TESK2: variants seen among roughly 807,000 people sequenced by gnomAD.
TESK2 encodes the protein dual specificity testis-specific protein kinase 2.
TESK2 carries 39 observed loss-of-function variants against 57.1 expected under a neutral mutation model. That is an observed-to-expected ratio of 0.68 (90% confidence interval 0.53 to 0.89). The LOEUF (loss-of-function observed/expected upper bound fraction) is 0.89. Ranked by LOEUF, TESK2 falls within the 40% of genes least tolerant of loss-of-function variation. The probability of loss-of-function intolerance (pLI) is 0.00; values close to 1 mark genes in which losing one functional copy is unlikely to be tolerated. For synonymous variants in TESK2, 249 were observed against 267.9 expected (o/e 0.93, Z 0.69); for missense variants, 646 against 732.1 (o/e 0.88, Z 1.36).
intron 5 of TESK2, among the ~76,000 whole-genome samples, chr1:45,354,407 C>T (rs925097050): frequency 6.6e-6 from 1 of 151,836 alleles, no homozygotes; most frequent in African/African-American, 2.4e-5. Flanking sequence ...ACGTGGATCA[C>T]CTGAGGTCAG....
chr1:45,387,867 C>T (rs12037411), intron 3 of TESK2, among the ~76,000 whole-genome samples: 39,409 of 152,006 alleles, frequency 0.26, 5,241 homozygotes, highest in East Asian at 0.36. Context: ...GTTAGCTGGG[C>T]ATGGTAGCAG....
In TESK2 at chr1:45,345,374, G is replaced by A; in HGVS notation, c.1182C>T (p.Ala394=). The change falls in exon 11 of 11, where the codon GCC becomes GCT. Residue 394 remains alanine, a synonymous_variant. Transcript: ENST00000372086. ...DPYYRPRDGA[A]RTPKVNPFSA... is the part of the protein sequence containing the mutation. ...TAAAAGGGTTGACTTTGGGGGTGCG[G>A]GCAGCACCATCTCGTGGCCGGTAGT... The A allele has an allele frequency of 6.2e-7, 1 of 1,614,140 alleles. No individual in the cohort carries two copies. The highest frequency in any genetic ancestry group is 8.5e-7 in the Non-Finnish European group (1 of 1,180,032).
At chr1:45,365,491 T>C (rs545568300) in intron 4 of TESK2, among the ~76,000 whole-genome samples, 1 of 152,228 alleles carries the variant, frequency 6.6e-6, no homozygotes, top group South Asian at 2.1e-4. Flanking sequence ...TTATTCATCC[T>C]CCTTGTTTAT....
At chr1:45,460,647 G>A (rs1211389087) in intron 1 of TESK2, among the ~76,000 whole-genome samples, 1 of 152,078 alleles carries the variant, frequency 6.6e-6, no homozygotes, top group Admixed American at 6.6e-5. Flanking sequence ...TCAAACTCCT[G>A]GGTTCAGGCA....
intron 2 of TESK2, among the ~76,000 whole-genome samples, chr1:45,424,940 C>T (rs1478205729): frequency 6.6e-6 from 1 of 152,098 alleles, no homozygotes; most frequent in Non-Finnish European, 1.5e-5. Flanking sequence ...ATGACAGACC[C>T]AAAGCTAGTA....
chr1:45,346,025 G>A (rs750512795), intron 9 of TESK2, 31 bp from the exon 10 acceptor site: 1 of 1,511,240 alleles, frequency 6.6e-7, no homozygotes, highest in Non-Finnish European at 9.2e-7. Context: ...CATGAGCTCT[G>A]CCCTCCATCT....
At chr1:45,483,691 G>A (rs1446109417) in intron 1 of TESK2, among the ~76,000 whole-genome samples, 3 of 151,900 alleles carry the variant, frequency 2.0e-5, no homozygotes, top group Non-Finnish European at 4.4e-5. Context: ...GGGCGGCGGA[G>A]GGGGGGTCAA....
Position 45,344,410 on chromosome 1 carries a change from G to C in TESK2, c.*430C>G, listed in dbSNP as rs1455115006. The C allele has an allele frequency of 1.7e-5, 3 of 174,152 alleles. No homozygotes were observed. Among genetic ancestry groups the C allele is most frequent in the Non-Finnish European group, 2.5e-5 (2 of 81,434 alleles). 10.8% of individuals were successfully genotyped at this position (174,152 alleles called of 1,614,324 possible). A position where few individuals can be genotyped will look rare whatever the true frequency, so the allele number is the denominator to read the frequency against. On this transcript the variant is annotated 3_prime_UTR_variant, in exon 11 of 11. Transcript: ENST00000372086. ...CCCCAATATTCAGGTCTGGGAAACA[G>C]CCATGACCATTACGGCCTCTTGATC...
chr1:45,408,506 C>T (rs987991690), intron 3 of TESK2, among the ~76,000 whole-genome samples: 2 of 151,958 alleles, frequency 1.3e-5, no homozygotes, highest in South Asian at 2.1e-4. Flanking sequence ...TAGCCAGGCC[C>T]GGCACAATGG....
intron 2 of TESK2, among the ~76,000 whole-genome samples, chr1:45,446,815 A>G (rs985325237): frequency 7.9e-5 from 12 of 152,208 alleles, no homozygotes; most frequent in Non-Finnish European, 1.3e-4. Flanking sequence ...TGCCTCCATA[A>G]TCCATTTTTT....
rs1490886221 is a variant in TESK2 at position 45,457,786 on chromosome 1, AG to A, written c.-2del. 7 of 1,612,120 alleles carry A rather than the reference AG, an allele frequency of 4.3e-6. No individual in the cohort carries two copies. Among genetic ancestry groups the A allele is most frequent in the Non-Finnish European group, 5.9e-6 (7 of 1,178,420 alleles). ...TTGAATTCCGTTTGCTCCGATCCAT[AG>A]TCTAAATAATCACTTTTTTCTTCTT... On this transcript the variant is annotated 5_prime_UTR_variant, in exon 2 of 11. Coordinates refer to ENST00000372086, the MANE Select transcript of TESK2 (RefSeq NM_007170.3).
chr1:45,456,826 G>A (rs574858838), intron 2 of TESK2, among the ~76,000 whole-genome samples: 1 of 152,206 alleles, frequency 6.6e-6, no homozygotes, highest in Non-Finnish European at 1.5e-5. Flanking sequence ...ATGGAAGTCT[G>A]CAGAAGTTCT....
intron 2 of TESK2, among the ~76,000 whole-genome samples, chr1:45,423,450 G>A (rs958908404): frequency 2.6e-5 from 4 of 151,902 alleles, no homozygotes; most frequent in African/African-American, 7.3e-5. Flanking sequence ...CCAGCTACTC[G>A]GGAGGCTGAG....
intron 3 of TESK2, among the ~76,000 whole-genome samples, chr1:45,401,578 A>G (rs1458716596): frequency 1.3e-5 from 2 of 152,078 alleles, no homozygotes; most frequent in African/African-American, 4.8e-5. Flanking sequence ...TATACCTGGA[A>G]ACTGTGCTAA....
At chr1:45,433,084 T>C (rs1397483541) in intron 2 of TESK2, among the ~76,000 whole-genome samples, 1 of 132,938 alleles carries the variant, frequency 7.5e-6, no homozygotes, top group Non-Finnish European at 1.6e-5. Context: ...TTTTTTTTTT[T>C]TTTTTTTTTG....
rs115672026 is a variant in TESK2, at chr1:45,357,361, G to C, written c.394-1912C>G. Among the ~76,000 whole-genome samples the C allele has an allele frequency of 3.2e-3, 482 of 152,106 alleles. 4 individuals are homozygous for C. The highest frequency in any genetic ancestry group is 0.011 in the African/African-American group (457 of 41,534). On this transcript the variant is annotated intron_variant, in intron 4 of 10. Transcript: ENST00000372086. ...AGCCATGAATGAGGAAGACGAGCTTGAAAGGTATCCACTGAATTTGCAACC... is the reference window on the plus strand; with the variant it reads ...AGCCATGAATGAGGAAGACGAGCTTCAAAGGTATCCACTGAATTTGCAACC...
At chr1:45,376,444 C>T (rs1648431056) in intron 4 of TESK2, among the ~76,000 whole-genome samples, 1 of 151,456 alleles carries the variant, frequency 6.6e-6, no homozygotes, top group Non-Finnish European at 1.5e-5. Flanking sequence ...GTCTTGTACT[C>T]CTGACCTCAA....
intron 1 of TESK2, among the ~76,000 whole-genome samples, chr1:45,486,178 G>T (rs781575521): frequency 6.6e-6 from 1 of 152,112 alleles, no homozygotes; most frequent in Non-Finnish European, 1.5e-5. Flanking sequence ...TAGTATAATA[G>T]CCATTGTTGG....
At position 45,393,977 on chromosome 1, in the gene TESK2, T is replaced by G. The variant is rs377717981; in HGVS notation, c.345-8017A>C. On this transcript the variant is annotated intron_variant, in intron 3 of 10. Coordinates refer to ENST00000372086, the MANE Select transcript of TESK2 (RefSeq NM_007170.3). ...AGACCTTAAAAATTTATATTCTGAA[T>G]GATTTTTATTCCCCTATCCCCATAC... Among the ~76,000 whole-genome samples the G allele has an allele frequency of 1.7e-3, 256 of 152,276 alleles. 1 individual carries two copies. Among genetic ancestry groups the G allele is most frequent in the African/African-American group, 5.8e-3 (243 of 41,568 alleles).
Sources: allele counts gnomAD v4.1 joint callset (sites outside exome capture counted in the v4.1 genomes callset), GRCh38; gene constraint gnomAD v4.1.1; transcripts MANE v1.5; gene names NCBI Gene and HGNC (gene_info 2026-07-23, HGNC 2026-07-21).